Variants in THSD4 observed in about 807,000 individuals in gnomAD.
The protein encoded by THSD4 is thrombospondin type-1 domain-containing protein 4.
In THSD4, 69 loss-of-function variants were observed where a neutral mutation model predicts 119.0. The ratio of observed to expected loss-of-function variants is 0.58; its 90% CI spans 0.48 to 0.71. The LOEUF is 0.71. Among genes scored for constraint, THSD4 ranks in the 30% least tolerant of loss-of-function variants. The probability of loss-of-function intolerance (pLI) is 0.00; values close to 1 mark genes in which losing one functional copy is unlikely to be tolerated. For missense variants in THSD4, 1,393 were observed against 1,391.1 expected, an observed-to-expected ratio of 1.00 and a Z score of -0.02; for synonymous variants, 524 against 540.4, an observed-to-expected ratio of 0.97 and a Z score of 0.42.
At chr15:71,675,218 G>C (rs1048294543) in intron 8 of THSD4, among the ~76,000 whole-genome samples, 1 of 152,134 alleles carries the variant, frequency 6.6e-6, no homozygotes, top group Non-Finnish European at 1.5e-5. Flanking sequence ...GCCCTGTGGT[G>C]TTTGGAGTCC....
At chr15:71,144,889 C>T (rs1260096599) in intron 2 of THSD4, among the ~76,000 whole-genome samples, 2 of 151,964 alleles carry the variant, frequency 1.3e-5, no homozygotes, top group Admixed American at 1.3e-4. Flanking sequence ...TCCATGTGGA[C>T]CAAAGTGTAG....
rs1378567854 is a variant in THSD4 at position 71,713,174 on chromosome 15, A to G, written c.1358-15375A>G. On this transcript the variant is annotated intron_variant, in intron 8 of 17. Transcript: ENST00000261862. Reference sequence around the variant, plus strand: ...TCTTAATCCAATATGCCATCATTGTAATCTTAGAACCCCATATGCTCTGGT... The same window carrying G: ...TCTTAATCCAATATGCCATCATTGTGATCTTAGAACCCCATATGCTCTGGT... Among the ~76,000 whole-genome samples the G allele has an allele frequency of 3.3e-5, 5 of 152,204 alleles. No homozygotes were observed. The East Asian group carries it at 9.6e-4, about 29-fold the overall frequency.
intron 1 of THSD4, among the ~76,000 whole-genome samples, chr15:71,108,659 C>T (rs1439430236): frequency 2.0e-5 from 3 of 152,152 alleles, no homozygotes; most frequent in African/African-American, 7.2e-5. Flanking sequence ...ATGTCTGCAA[C>T]TCATTTTTTC....
intron 7 of THSD4, among the ~76,000 whole-genome samples, chr15:71,612,605 GC>G (rs1443501737): frequency 2.0e-5 from 3 of 152,190 alleles, no homozygotes; most frequent in African/African-American, 7.2e-5. Context: ...GGGATATGCA[GC>G]TGCTTAAACT....
rs138243972 is a variant in THSD4 at position 71,691,803 on chromosome 15, G to C, written c.1357+31069G>C. On this transcript the variant is annotated intron_variant, in intron 8 of 17. Coordinates refer to ENST00000261862, the MANE Select transcript of THSD4 (RefSeq NM_024817.3). The stretch of plus-strand genomic sequence containing the variant: ...GACTGCCTTGCCCTGGGGATCCCTA[G>C]TGAACCATTGCTGGGAGGCTCAGAT... Among the ~76,000 whole-genome samples, 150 of 152,302 alleles carry C rather than the reference G, an allele frequency of 9.8e-4. 1 individual carries two copies. The highest frequency in any genetic ancestry group is 3.5e-4 in the Non-Finnish European group (24 of 68,024).
intron 3 of THSD4, among the ~76,000 whole-genome samples, chr15:71,188,072 G>GC (rs1276976351): frequency 6.6e-6 from 1 of 152,180 alleles, no homozygotes; most frequent in Non-Finnish European, 1.5e-5. Context: ...TTACAAGGTT[G>GC]CCCTACTCAT....
intron 7 of THSD4, among the ~76,000 whole-genome samples, chr15:71,507,467 C>G (rs1165008267): frequency 6.6e-6 from 1 of 151,872 alleles, no homozygotes; most frequent in Non-Finnish European, 1.5e-5. Context: ...ACTGAAAGGC[C>G]TGTACTTAGT....
chr15:71,513,955 T>C (rs910224805), intron 7 of THSD4, among the ~76,000 whole-genome samples: 15 of 152,184 alleles, frequency 9.9e-5, no homozygotes, highest in African/African-American at 3.6e-4. Flanking sequence ...TATATGCAGC[T>C]CTAGGAGAGG....
chr15:71,710,589 C>T (rs1296753018), intron 8 of THSD4, among the ~76,000 whole-genome samples: 2 of 152,108 alleles, frequency 1.3e-5, no homozygotes, highest in East Asian at 3.9e-4. Context: ...GGATGTAAGA[C>T]CCACCTCATC....
Position 71,442,660 on chromosome 15 carries a change from GTATATATATATATA to G in THSD4, c.1152+30867_1152+30880del, listed in dbSNP as rs71154772. Among the ~76,000 whole-genome samples the G allele has an allele frequency of 3.8e-3, 99 of 25,828 alleles. 8 individuals are homozygous for G. The highest frequency in any genetic ancestry group is 9.6e-3 in the African/African-American group (89 of 9,268). 16.9% of individuals were successfully genotyped at this position (25,828 alleles called of 152,430 possible). On this transcript the variant is annotated intron_variant, in intron 7 of 17. Coordinates refer to ENST00000261862, the MANE Select transcript of THSD4 (RefSeq NM_024817.3). ...TGTGTGTATATGTGTGTGTGTGTGT[GTATATATATATATA>G]TATATATATATATATATATATATAT...
chr15:71,755,706 C>CAAA (rs10555546), intron 14 of THSD4, among the ~76,000 whole-genome samples: 5 of 50,284 alleles, frequency 9.9e-5, no homozygotes, highest in Non-Finnish European at 1.5e-4. Flanking sequence ...TCAGCAAAGA[C>CAAA]AAAAAAAAAA....
At chr15:71,375,329 C>T (rs1357935245) in intron 6 of THSD4, among the ~76,000 whole-genome samples, 1 of 152,220 alleles carries the variant, frequency 6.6e-6, no homozygotes, top group Non-Finnish European at 1.5e-5. Flanking sequence ...CCATCTTCAT[C>T]TCAACCTCAT....
chr15:71,728,712 C>G lies in THSD4; in HGVS notation c.1521C>G (p.Ile507Met), dbSNP rs373315269. 1.5e-5 allele frequency: 25 copies of G among 1,614,020 alleles called. No individual in the cohort carries two copies. Among genetic ancestry groups the G allele is most frequent in the Non-Finnish European group, 2.0e-5 (24 of 1,180,034 alleles). The stretch of plus-strand genomic sequence containing the variant: ...TGGCGGAAGGTCCCACCAACGAGAT[C>G]TTGGATGTCTACGTGAGTTTGGATG... Reference protein sequence around the residue: ...SFLAEGPTNEILDVYMIHQQP... With the variant: ...SFLAEGPTNEMLDVYMIHQQP... Residue 507 changes from isoleucine to methionine, a missense_variant, in exon 9 of 18, where the codon ATC becomes ATG. Physicochemically the swap from Ile to Met is conservative, Grantham distance 10. Transcript: ENST00000261862.
intron 6 of THSD4, among the ~76,000 whole-genome samples, chr15:71,319,751 G>A (rs1361297680): frequency 6.6e-6 from 1 of 152,078 alleles, no homozygotes; most frequent in Non-Finnish European, 1.5e-5. Flanking sequence ...TCTTTGTTCT[G>A]ATTCTGAATT....
intron 7 of THSD4, among the ~76,000 whole-genome samples, chr15:71,527,868 A>G (rs1186165987): frequency 6.6e-6 from 1 of 151,474 alleles, no homozygotes; most frequent in Non-Finnish European, 1.5e-5. Flanking sequence ...GCACACCACC[A>G]CACTCAGCTA....
Position 71,748,439 on chromosome 15 carries a change from G to T in THSD4, c.2260G>T (p.Val754Leu), listed in dbSNP as rs374123828. ...DWTSCSVPCG[V>L]GQRTRDVKCV... ...GTTTCAGTGCTCGGTGCCCTGCGGC[G>T]TGGGACAGAGGACCCGTGATGTGAA... The change falls in exon 14 of 18, where the codon GTG becomes TTG. Residue 754 changes from valine to leucine, a missense_variant. Transcript: ENST00000261862. The T allele has an allele frequency of 1.2e-6, 2 of 1,614,180 alleles. No individual in the cohort carries two copies. Among genetic ancestry groups the T allele is most frequent in the Non-Finnish European group, 1.7e-6 (2 of 1,180,028 alleles).
chr15:71,620,121 A>G (rs906960143), intron 7 of THSD4, among the ~76,000 whole-genome samples: 2 of 152,220 alleles, frequency 1.3e-5, no homozygotes, highest in Non-Finnish European at 2.9e-5. Context: ...TTTGAAGCAG[A>G]CAAACTGGGC....
intron 8 of THSD4, among the ~76,000 whole-genome samples, chr15:71,705,272 G>A (rs905592527): frequency 6.6e-6 from 1 of 152,186 alleles, no homozygotes. Flanking sequence ...TCATTTTGAG[G>A]ACAGGCTGAG....
chr15:71,219,876 C>T (rs545437773), intron 4 of THSD4, among the ~76,000 whole-genome samples: 2 of 152,212 alleles, frequency 1.3e-5, no homozygotes, highest in Non-Finnish European at 2.9e-5. Context: ...AAGTTCTTTT[C>T]ACTGAAATGG....
Sources: allele counts gnomAD v4.1 joint callset (sites outside exome capture counted in the v4.1 genomes callset), GRCh38; gene constraint gnomAD v4.1.1; transcripts MANE v1.5; gene names NCBI Gene and HGNC (gene_info 2026-07-23, HGNC 2026-07-21).